The following SPATA17 variants were observed in gnomAD, a reference collection of about 807,000 sequenced individuals.
SPATA17 encodes the protein spermatogenesis-associated protein 17.
Under a neutral mutation model 62.2 loss-of-function variants are expected in SPATA17, and 53 were observed. That is an observed-to-expected ratio of 0.85 (90% CI 0.68 to 1.07). The LOEUF (loss-of-function observed/expected upper bound fraction) is 1.07, where lower values mean the gene tolerates loss of function less well. SPATA17 is among the 50% of genes least tolerant of loss of function. SPATA17 has a pLI of 0.00. For missense variants in SPATA17, 466 were observed against 425.5 expected (o/e 1.10, Z -0.84); for synonymous variants, 146 against 146.8 (o/e 0.99, Z 0.04).
At chr1:217,771,952 G>A (rs1012886007) in intron 6 of SPATA17, among the ~76,000 whole-genome samples, 1 of 152,062 alleles carries the variant, frequency 6.6e-6, no homozygotes, top group Admixed American at 6.6e-5. Context: ...TAAATTGTAT[G>A]TATTTTACCA....
At chr1:217,702,067 T>C (rs1671611829) in intron 5 of SPATA17, among the ~76,000 whole-genome samples, 3 of 151,944 alleles carry the variant, frequency 2.0e-5, no homozygotes, top group African/African-American at 7.2e-5. Flanking sequence ...TAATGTTTTC[T>C]ATTTTGACTA....
chr1:217,709,415 C>T (rs1671808502), intron 5 of SPATA17, among the ~76,000 whole-genome samples: 1 of 152,094 alleles, frequency 6.6e-6, no homozygotes, highest in African/African-American at 2.4e-5. Flanking sequence ...TCACATAGGC[C>T]TTAATTCTTC....
intron 9 of SPATA17, among the ~76,000 whole-genome samples, chr1:217,846,929 G>T (rs1273504889): frequency 1.3e-5 from 2 of 151,922 alleles, no homozygotes; most frequent in African/African-American, 2.4e-5. Context: ...CTAATTAGCA[G>T]TTATTATACA....
intron 8 of SPATA17, among the ~76,000 whole-genome samples, chr1:217,798,908 C>T (rs1220040574): frequency 6.7e-6 from 1 of 149,602 alleles, no homozygotes; most frequent in Non-Finnish European, 1.5e-5. Context: ...CGGAGTCTCA[C>T]TCTGTCGCCT....
chr1:217,754,726 A>G (rs552537649), intron 6 of SPATA17, among the ~76,000 whole-genome samples: 26 of 152,284 alleles, frequency 1.7e-4, no homozygotes, highest in South Asian at 1.2e-3. Flanking sequence ...TCTGTTGAGT[A>G]TCTGGCAGCC....
chr1:217,774,376 C>T lies in SPATA17; in HGVS notation c.562C>T (p.Pro188Ser). The change falls in exon 7 of 11, where the codon CCA becomes TCA. Residue 188 changes from proline (P) to serine (S), a missense_variant. Physicochemically the swap from Pro to Ser is moderately conservative, Grantham distance 74 (BLOSUM62 -1). Transcript: ENST00000366933. ...YNSPFRKEPD[P>S]WELQLQKAKP... ...TTCACCCTTCAGAAAAGAGCCTGAT[C>T]CATGGGAGCTGCAATTACAGAAGGC... 6.2e-7 allele frequency: 1 copy of T among 1,614,030 alleles called. No homozygotes were observed. Among genetic ancestry groups the T allele is most frequent in the Non-Finnish European group, 8.5e-7 (1 of 1,179,932 alleles).
chr1:217,716,418 C>G (rs555884960), intron 5 of SPATA17, among the ~76,000 whole-genome samples: 2 of 152,256 alleles, frequency 1.3e-5, no homozygotes, highest in African/African-American at 4.8e-5. Context: ...CATATCGACT[C>G]TTCAGAATTT....
intron 1 of SPATA17, among the ~76,000 whole-genome samples, chr1:217,636,703 C>T (rs553347538): frequency 4.1e-4 from 63 of 152,280 alleles, no homozygotes; most frequent in African/African-American, 1.4e-3. Context: ...GGATTACAGG[C>T]GTGAGCCACT....
At chr1:217,651,309 TAA>T (rs2102884201) in intron 3 of SPATA17, 131 bp downstream of exon 3, 1 of 618,620 alleles carries the variant, frequency 1.6e-6, no homozygotes, top group South Asian at 2.9e-5. Flanking sequence ...AAATTGGGCT[TAA>T]TTTTTAGTAT....
chr1:217,706,795 T>G (rs956707140), intron 5 of SPATA17, among the ~76,000 whole-genome samples: 12 of 152,184 alleles, frequency 7.9e-5, no homozygotes, highest in African/African-American at 2.9e-4. Flanking sequence ...TAATTCTCAC[T>G]GTAGAGATCT....
chr1:217,645,975 T>A (rs572564220), intron 1 of SPATA17, among the ~76,000 whole-genome samples: 83 of 152,306 alleles, frequency 5.4e-4, no homozygotes, highest in Admixed American at 1.8e-3. Context: ...ACCTTTTTTT[T>A]AAATAATTGT....
intron 3 of SPATA17, among the ~76,000 whole-genome samples, chr1:217,662,832 A>T (rs1244515788): frequency 2.6e-5 from 4 of 152,256 alleles, no homozygotes; most frequent in South Asian, 4.1e-4. Context: ...AAAATGCCCA[A>T]TATTTTTGAT....
rs760866982 is a variant in SPATA17, at chr1:217,801,760, C to T, written c.915C>T (p.Ile305=). 6.2e-7 allele frequency: 1 copy of T among 1,609,348 alleles called. No homozygotes were observed. Among genetic ancestry groups the T allele is most frequent in the African/African-American group, 1.3e-5 (1 of 74,684 alleles). Reference sequence around the variant, plus strand: ...CATACCATAAAAATGAAAAGTACATCCCATCAATGCATTTATCAAGCAAGT... The same window carrying T: ...CATACCATAAAAATGAAAAGTACATTCCATCAATGCATTTATCAAGCAAGT... ...FSSYHKNEKY[I]PSMHLSSKYG... is the part of the protein sequence containing the mutation. The change falls in exon 9 of 11, where the codon ATC becomes ATT. Residue 305 remains isoleucine, a synonymous_variant. Transcript: ENST00000366933.
chr1:217,702,291 C>A (rs905852023), intron 5 of SPATA17, among the ~76,000 whole-genome samples: 1 of 151,952 alleles, frequency 6.6e-6, no homozygotes, highest in African/African-American at 2.4e-5. Flanking sequence ...TATGGGTCAC[C>A]ACTAATGTCT....
intron 1 of SPATA17, among the ~76,000 whole-genome samples, chr1:217,645,038 A>G (rs1670148440): frequency 6.6e-6 from 1 of 152,078 alleles, no homozygotes; most frequent in South Asian, 2.1e-4. Context: ...GCGGTAACCC[A>G]GCATCTGTAA....
chr1:217,700,008 T>C (rs979382516), intron 5 of SPATA17, among the ~76,000 whole-genome samples: 1 of 152,206 alleles, frequency 6.6e-6, no homozygotes, highest in Non-Finnish European at 1.5e-5. Context: ...TTCCCTTCTG[T>C]CCTTTTTGTC....
chr1:217,706,400 G>A (rs1166165167), intron 5 of SPATA17, among the ~76,000 whole-genome samples: 1 of 152,144 alleles, frequency 6.6e-6, no homozygotes, highest in Non-Finnish European at 1.5e-5. Flanking sequence ...TGTTGAGGAA[G>A]GGACCTGTAA....
At chr1:217,785,438 A>G (rs1016011782) in intron 8 of SPATA17, among the ~76,000 whole-genome samples, 1 of 152,156 alleles carries the variant, frequency 6.6e-6, no homozygotes, top group Non-Finnish European at 1.5e-5. Context: ...ACATCTTCAC[A>G]TCGTGGCAGG....
chr1:217,774,821 G>A (rs1276654964), intron 7 of SPATA17, among the ~76,000 whole-genome samples: 2 of 152,104 alleles, frequency 1.3e-5, no homozygotes, highest in African/African-American at 2.4e-5. Context: ...TGCAGAATAT[G>A]TCCGAATTTC....
Sources: allele counts gnomAD v4.1 joint callset (sites outside exome capture counted in the v4.1 genomes callset), GRCh38; gene constraint gnomAD v4.1.1; transcripts MANE v1.5; gene names NCBI Gene and HGNC (gene_info 2026-07-23, HGNC 2026-07-21).